INO80D: variants seen among roughly 807,000 people sequenced by gnomAD.
INO80D encodes INO80 complex subunit D.
Under a neutral mutation model 87.6 loss-of-function variants are expected in INO80D, and 21 were observed. The observed-to-expected ratio is 0.24, with a 90% CI of 0.17 to 0.35. The LOEUF (loss-of-function observed/expected upper bound fraction) is 0.35. Among genes scored for constraint, INO80D ranks in the 10% least tolerant of loss-of-function variants. The pLI, the probability that INO80D is intolerant of heterozygous loss-of-function variation, is 1.00. For missense variants in INO80D, 982 were observed against 1,280.7 expected (o/e 0.77, Z 3.56); for synonymous variants, 440 against 491.0 (o/e 0.90, Z 1.37).
intron 1 of INO80D, among the ~76,000 whole-genome samples, chr2:206,080,772 G>A (rs1478992892): frequency 7.3e-5 from 11 of 151,540 alleles, no homozygotes; most frequent in South Asian, 4.2e-4. Flanking sequence ...CCGGGTGTGC[G>A]GGCGCCTGTA....
At chr2:206,050,496 GAAA>G (rs3079265) in intron 4 of INO80D, among the ~76,000 whole-genome samples, 9 of 99,576 alleles carry the variant, frequency 9.0e-5, no homozygotes, top group African/African-American at 4.3e-4. Flanking sequence ...CGTCTCAAAA[GAAA>G]AAAAAAAAAA....
rs1688411721 is a variant in INO80D at position 206,019,799 on chromosome 2, C to T, written c.1345G>A (p.Gly449Arg). 6.2e-7 allele frequency: 1 copy of T among 1,613,790 alleles called. No homozygotes were observed. The highest frequency in any genetic ancestry group is 8.5e-7 in the Non-Finnish European group (1 of 1,179,864). ...LREVEPAACS[G>R]TVKGEQCANK... is the part of the protein sequence containing the mutation. ...GCGCACTGTTCACCCTTCACGGTTCCACTGCATGCTGCTGGTTCCACCTCC... is the reference window on the plus strand; with the variant it reads ...GCGCACTGTTCACCCTTCACGGTTCTACTGCATGCTGCTGGTTCCACCTCC... Residue 449 changes from glycine (G) to arginine (R), a missense_variant, in exon 7 of 11, where the codon GGA becomes AGA. Coordinates refer to ENST00000403263, the MANE Select transcript of INO80D (RefSeq NM_017759.5).
In INO80D at chr2:206,056,330, G is replaced by A. The variant is rs1275464153; in HGVS notation, c.832C>T (p.Pro278Ser). 5 of 1,613,866 alleles carry A rather than the reference G, an allele frequency of 3.1e-6. No individual in the cohort carries two copies. The change falls in exon 4 of 11, where the codon CCC (proline) becomes TCC (serine). Residue 278 changes from proline (P) to serine (S), a missense_variant. Physicochemically the swap from Pro to Ser is moderately conservative, Grantham distance 74. Transcript: ENST00000403263. ...TTCATGAGGATCCGGTCAGTCCTGG[G>A]TGGGTCCACAGTGGGAGCCCTACTG... Reference protein sequence around the residue: ...PSSRAPTVDPPRTDRILMKAT... With the variant: ...PSSRAPTVDPSRTDRILMKAT...
intron 4 of INO80D, among the ~76,000 whole-genome samples, chr2:206,049,607 T>C (rs138617634): frequency 6.6e-6 from 1 of 152,334 alleles, no homozygotes; most frequent in African/African-American, 2.4e-5. Context: ...AAACCTTTGA[T>C]CTTGGCTTCA....
chr2:206,071,115 T>C (rs1164873431), intron 1 of INO80D, among the ~76,000 whole-genome samples: 2 of 151,648 alleles, frequency 1.3e-5, no homozygotes, highest in Non-Finnish European at 2.9e-5. Context: ...CATGCCACCA[T>C]GCTCAGGTAA....
rs1367865333 is a variant in INO80D at position 206,084,214 on chromosome 2, T to A, written c.-124+1687A>T. On this transcript the variant is annotated intron_variant, in intron 1 of 10. Transcript: ENST00000403263. ...TATAAAATATATACATACACATATATTTTTTTTTCGTTTAAATGTTATACA... is the reference window on the plus strand; with the variant it reads ...TATAAAATATATACATACACATATAATTTTTTTTCGTTTAAATGTTATACA... Among the ~76,000 whole-genome samples, 16 of 121,992 alleles carry A rather than the reference T, an allele frequency of 1.3e-4. No homozygotes were observed. In the Admixed American group the frequency reaches 1.7e-3, roughly 13 times the overall value. 80.0% of individuals were successfully genotyped at this position (121,992 alleles called of 152,430 possible).
chr2:206,022,161 C>T (rs1688481600), intron 6 of INO80D, among the ~76,000 whole-genome samples: 1 of 151,246 alleles, frequency 6.6e-6, no homozygotes, highest in African/African-American at 2.4e-5. Context: ...GTCAGGAGTT[C>T]GAGACCAGCC....
At chr2:206,071,364 T>C (rs1324324409) in intron 1 of INO80D, among the ~76,000 whole-genome samples, 1 of 129,950 alleles carries the variant, frequency 7.7e-6, no homozygotes, top group Admixed American at 8.8e-5. Flanking sequence ...ATTGAACTCC[T>C]GGGCTCAAGC....
chr2:205,996,335 T>TTTTTTTTTA lies in INO80D; in HGVS notation c.*8032_*8033insTAAAAAAAA. The stretch of plus-strand genomic sequence containing the variant: ...ACCACAATGATGTGTGATTTTTTTT[T>TTTTTTTTTA]TTTTTTTAAGTGATGAAAGACTGAC... On this transcript the variant is annotated 3_prime_UTR_variant, in exon 11 of 11. Coordinates refer to ENST00000403263, the MANE Select transcript of INO80D (RefSeq NM_017759.5). 1 of 151,680 alleles carries TTTTTTTTTA rather than the reference T, an allele frequency of 6.6e-6. No homozygotes were observed. 9.4% of individuals were successfully genotyped at this position (151,680 alleles called of 1,614,324 possible). A position where few individuals can be genotyped will look rare whatever the true frequency, so the allele number is the denominator to read the frequency against.
At chr2:206,054,582 C>T (rs1689463824) in intron 4 of INO80D, among the ~76,000 whole-genome samples, 1 of 151,602 alleles carries the variant, frequency 6.6e-6, no homozygotes. Flanking sequence ...GGCACAATCT[C>T]GGCTCACTGC....
At chr2:206,070,889 ATTT>A (rs71863031) in intron 1 of INO80D, among the ~76,000 whole-genome samples, 25,573 of 128,848 alleles carry the variant, frequency 0.2, 2,638 homozygotes, top group Non-Finnish European at 0.28. Flanking sequence ...AGGGGACTTG[ATTT>A]TTTTTTTTTT....
chr2:206,067,836 A>G (rs976575197), intron 1 of INO80D, among the ~76,000 whole-genome samples: 1 of 152,164 alleles, frequency 6.6e-6, no homozygotes, highest in Non-Finnish European at 1.5e-5. Context: ...GCATTTTACA[A>G]ATCATAGAAA....
intron 4 of INO80D, among the ~76,000 whole-genome samples, chr2:206,050,209 A>C (rs927746320): frequency 1.4e-5 from 2 of 147,958 alleles, no homozygotes; most frequent in African/African-American, 5.0e-5. Flanking sequence ...TGATTTAAAA[A>C]TTGCTGGGCA....
chr2:206,009,419 G>A (rs1215352274), intron 9 of INO80D, among the ~76,000 whole-genome samples, 158 bp downstream of exon 9: 1 of 152,202 alleles, frequency 6.6e-6, no homozygotes, highest in Non-Finnish European at 1.5e-5. Flanking sequence ...GCCAGATATA[G>A]GTAAAATTTG....
rs1687870305 is a variant in INO80D, at chr2:205,999,623, T to G, written c.*4745A>C. On this transcript the variant is annotated 3_prime_UTR_variant, in exon 11 of 11. Coordinates refer to ENST00000403263, the MANE Select transcript of INO80D (RefSeq NM_017759.5). ...ATTTAGAAATAAGGCTCCCTAAGTT[T>G]GACCCACAACTGCAGCATTAATGAC... The G allele has an allele frequency of 6.6e-6, 1 of 152,198 alleles. No homozygotes were observed. The highest frequency in any genetic ancestry group is 6.5e-5 in the Admixed American group (1 of 15,278). 9.4% of individuals were successfully genotyped at this position (152,198 alleles called of 1,614,324 possible).
At chr2:206,010,269 T>C (rs1415771440) in intron 8 of INO80D, among the ~76,000 whole-genome samples, 1 of 152,064 alleles carries the variant, frequency 6.6e-6, no homozygotes. Flanking sequence ...CAATTCTTTT[T>C]TTTTTTTTTC....
At chr2:206,005,671 T>C (rs1211991798) in intron 10 of INO80D, 138 bp from the exon 11 acceptor site, 1 of 724,434 alleles carries the variant, frequency 1.4e-6, no homozygotes, top group Non-Finnish European at 2.2e-6. Context: ...AGATTTTGAT[T>C]GGAGGGAAAA....
intron 8 of INO80D, among the ~76,000 whole-genome samples, chr2:206,014,800 G>C (rs1688274951): frequency 6.6e-6 from 1 of 152,156 alleles, no homozygotes; most frequent in Non-Finnish European, 1.5e-5. Context: ...GAACAGTTTG[G>C]AGGGCTCAGA....
chr2:206,041,934 G>T (rs1228293629), intron 5 of INO80D, among the ~76,000 whole-genome samples: 2 of 152,110 alleles, frequency 1.3e-5, no homozygotes, highest in African/African-American at 4.8e-5. Flanking sequence ...GATCACTTGA[G>T]CCCAGGAGTT....
Sources: gnomAD v4.1 joint callset for allele counts (sites outside exome capture counted in the v4.1 genomes callset) on GRCh38, gnomAD v4.1.1 for gene constraint, MANE v1.5 for transcripts, NCBI Gene and HGNC (gene_info 2026-07-23, HGNC 2026-07-21) for gene names.